The following HDGF variants were observed in gnomAD, a reference collection of about 807,000 sequenced individuals.
The protein encoded by HDGF is heparin binding growth factor, also known as hepatoma-derived growth factor.
In HDGF, 5 loss-of-function variants were observed where a neutral mutation model predicts 30.0. The ratio of observed to expected loss-of-function variants is 0.17; its 90% CI spans 0.09 to 0.35. HDGF has a LOEUF of 0.35. Ranked by LOEUF, HDGF falls within the 10% of genes least tolerant of loss-of-function variation. The pLI, the probability that HDGF is intolerant of heterozygous loss-of-function variation, is 1.00. For synonymous variants in HDGF, 133 were observed against 112.7 expected (o/e 1.18, Z -1.14); for missense variants, 214 against 302.8 (o/e 0.71, Z 2.18).
In HDGF at chr1:156,758,608, T is replaced by TAAAGAAATAAAAAA. The variant is rs1553251126; in HGVS notation, n.373+374_373+375insTTTTTTATTTCTTT. ...ACTCCGTCTCAAAAAAAAAAATAAA[T>TAAAGAAATAAAAAA]AAATAAATAAATAAAAAAAATTAGC... On this transcript the variant is annotated intron_variant and non_coding_transcript_variant, in intron 2 of 7. Transcript: ENST00000465180. Among the ~76,000 whole-genome samples the TAAAGAAATAAAAAA allele has an allele frequency of 2.2e-5, 2 of 92,014 alleles. 1 individual carries two copies. The highest frequency in any genetic ancestry group is 4.4e-5 in the Non-Finnish European group (2 of 45,060). 60.4% of individuals were successfully genotyped at this position (92,014 alleles called of 152,430 possible).
chr1:156,743,598 A>G lies in HDGF; in HGVS notation c.716+54T>C, dbSNP rs1650278276. The G allele has an allele frequency of 4.5e-6, 7 of 1,558,138 alleles. 1 individual carries two copies. The South Asian group carries it at 7.8e-5, about 17-fold the overall frequency. On this transcript the variant is annotated intron_variant, in intron 5 of 5. Coordinates refer to ENST00000357325, the MANE Select transcript of HDGF (RefSeq NM_004494.3). ...CAGGCCCTTTTCATCCTCTTCTCCG[A>G]GAGTGGCCGGTCCCCCCTAGTCCAG...
upstream of HDGF, among the ~76,000 whole-genome samples, chr1:156,756,185 G>A (rs1216058667): frequency 6.6e-6 from 1 of 152,150 alleles, no homozygotes; most frequent in Non-Finnish European, 1.5e-5. Flanking sequence ...CCAGGAGGTG[G>A]AGATTGCAGT....
At chr1:156,744,908 G>A (rs1650418266) in intron 3 of HDGF, 100 bp downstream of exon 3, 1 of 1,390,080 alleles carries the variant, frequency 7.2e-7, no homozygotes, top group Non-Finnish European at 1.0e-6. Flanking sequence ...TGAAAGCCCT[G>A]GAGTTTCTGA....
rs774936141 is a variant in HDGF at position 156,758,608 on chromosome 1, T to TAAATAAATAAAAAA, written n.373+374_373+375insTTTTTTATTTATTT. On this transcript the variant is annotated intron_variant and non_coding_transcript_variant, in intron 2 of 7. Coordinates refer to the HDGF transcript ENST00000465180. ...ACTCCGTCTCAAAAAAAAAAATAAA[T>TAAATAAATAAAAAA]AAATAAATAAATAAAAAAAATTAGC... is the stretch of plus-strand genomic sequence containing the variant. Among the ~76,000 whole-genome samples, 796 of 92,042 alleles carry TAAATAAATAAAAAA rather than the reference T, an allele frequency of 8.6e-3. 73 individuals carry two copies. The highest frequency in any genetic ancestry group is 0.033 in the South Asian group (99 of 3,030). The allele number at this position is 92,042 out of a possible 152,430, so 60.4% of individuals were successfully genotyped here.
Position 156,746,910 on chromosome 1 carries a change from G to A in HDGF, c.88-1537C>T, listed in dbSNP as rs192917582. Among the ~76,000 whole-genome samples the A allele has an allele frequency of 3.7e-4, 57 of 152,276 alleles. 1 individual carries two copies. In the East Asian group the frequency reaches 6.6e-3, roughly 18 times the overall value. On this transcript the variant is annotated intron_variant, in intron 1 of 5. Transcript: ENST00000357325. ...GCCCAACTGGGGGCCTGGGGAGACA[G>A]GGTGGATGGGAATGCGCTGAGACAC...
chr1:156,745,841 T>C (rs1650500702), intron 1 of HDGF, among the ~76,000 whole-genome samples: 1 of 152,224 alleles, frequency 6.6e-6, no homozygotes, highest in African/African-American at 2.4e-5. Flanking sequence ...CTGCCCCCAC[T>C]TGTATGACTT....
intron 1 of HDGF, among the ~76,000 whole-genome samples, chr1:156,760,400 CAG>C (rs1052001621): frequency 2.6e-5 from 4 of 152,186 alleles, no homozygotes; most frequent in East Asian, 1.9e-4. Flanking sequence ...CCCTGCCTCT[CAG>C]GGTAGAGGTA....
chr1:156,765,373 G>A (rs1390792649), intron 1 of HDGF, among the ~76,000 whole-genome samples: 5 of 151,420 alleles, frequency 3.3e-5, no homozygotes, highest in Non-Finnish European at 5.9e-5. Context: ...GATTATAGGC[G>A]TGAGCCACCG....
chr1:156,749,071 A>C (rs1413342812), intron 1 of HDGF, among the ~76,000 whole-genome samples: 1 of 152,216 alleles, frequency 6.6e-6, no homozygotes, highest in Non-Finnish European at 1.5e-5. Flanking sequence ...GAAGAGGGAA[A>C]GGAGAAGGTT....
At chr1:156,752,218 G>C, upstream of HDGF, 1 of 1,551,798 alleles carries the variant, frequency 6.4e-7, no homozygotes, top group Non-Finnish European at 8.7e-7. Context: ...TCTGGACCTC[G>C]CCGTGCTTAC....
At chr1:156,766,305 C>T (rs1475566598) in intron 1 of HDGF, among the ~76,000 whole-genome samples, 1 of 152,174 alleles carries the variant, frequency 6.6e-6, no homozygotes, top group Non-Finnish European at 1.5e-5. Flanking sequence ...AGCCTCCTCC[C>T]AAAACCTCAA....
chr1:156,751,847 G>A (rs372099108), upstream of HDGF: 1 of 987,886 alleles, frequency 1.0e-6, no homozygotes, highest in Non-Finnish European at 1.4e-6. This position sits in a 1 kb window ranked among gnomAD's most constrained non-coding sequence, Gnocchi z 4.7. Flanking sequence ...CCCAGGGCCT[G>A]CCACGGCCCA....
chr1:156,763,370 C>T (rs577975766), intron 1 of HDGF, among the ~76,000 whole-genome samples: 55 of 151,788 alleles, frequency 3.6e-4, no homozygotes, highest in Non-Finnish European at 6.5e-4. Context: ...TGTGTGCCAC[C>T]GCGCCCAGCT....
At chr1:156,761,897 A>C (rs1366778002) in intron 1 of HDGF, among the ~76,000 whole-genome samples, 1 of 150,882 alleles carries the variant, frequency 6.6e-6, no homozygotes, top group Admixed American at 6.6e-5. Context: ...CAGTGAGACG[A>C]AATTGCGCCA....
intron 3 of HDGF, chr1:156,744,654 C>G: frequency 4.0e-6 from 3 of 754,396 alleles, no homozygotes. Flanking sequence ...CCCCCACCCT[C>G]CCGCCTCGTC....
At position 156,743,633 on chromosome 1, in the gene HDGF, G is replaced by T; in HGVS notation, c.716+19C>A. On this transcript the variant is annotated intron_variant, in intron 5 of 5. Coordinates refer to ENST00000357325, the MANE Select transcript of HDGF (RefSeq NM_004494.3). ...GTCCCCCCTAGTCCAGCTGCCAAGG[G>T]GTCAGGGGGCTCACTCACCTCTCAT... is the stretch of plus-strand genomic sequence containing the variant. 2 of 1,592,404 alleles carry T rather than the reference G, an allele frequency of 1.3e-6. No homozygotes were observed. The highest frequency in any genetic ancestry group is 1.7e-6 in the Non-Finnish European group (2 of 1,160,350).
rs1235591449 is a variant in HDGF, at chr1:156,748,243, G to GT, written c.88-2871dup. ...CAAAAGAGGAGAAATCCCTTCTACA[G>GT]TGACACCTCTATCCCTCAAGCTACA... On this transcript the variant is annotated intron_variant, in intron 1 of 5. Coordinates refer to ENST00000357325, the MANE Select transcript of HDGF (RefSeq NM_004494.3). Among the ~76,000 whole-genome samples, 4 of 152,312 alleles carry GT rather than the reference G, an allele frequency of 2.6e-5. No individual in the cohort carries two copies. In the East Asian group the frequency reaches 7.7e-4, roughly 29 times the overall value.
At chr1:156,744,927 C>G (rs1650419562) in intron 3 of HDGF, 81 bp downstream of exon 3, 2 of 1,518,834 alleles carry the variant, frequency 1.3e-6, no homozygotes, top group Non-Finnish European at 1.8e-6. Flanking sequence ...GAAGACTAAG[C>G]ATCATCTGTG....
chr1:156,751,250 T>A lies in HDGF; in HGVS notation c.87+93A>T. 3 of 1,430,398 alleles carry A rather than the reference T, an allele frequency of 2.1e-6. No homozygotes were observed. The highest frequency in any genetic ancestry group is 2.8e-6 in the Non-Finnish European group (3 of 1,075,250). 88.6% of individuals were successfully genotyped at this position (1,430,398 alleles called of 1,614,324 possible). ...GACCTACAAGCCCCCTGCCCCCACC[T>A]CTGCCCGCTCCGCGCGGAGCGCTCG... On this transcript the variant is annotated intron_variant, in intron 1 of 5. Coordinates refer to ENST00000357325, the MANE Select transcript of HDGF (RefSeq NM_004494.3). The surrounding 1 kb of genome is among the most constrained non-coding windows in gnomAD (Gnocchi z 4.7).
Sources: gnomAD v4.1 joint callset for allele counts (sites outside exome capture counted in the v4.1 genomes callset) on GRCh38, gnomAD v4.1.1 for gene constraint, Gnocchi (gnomAD v3.1) non-coding constraint, MANE v1.5 for transcripts, NCBI Gene and HGNC (gene_info 2026-07-23, HGNC 2026-07-21) for gene names.